The following RPH3AL variants were observed in gnomAD, a reference collection of about 807,000 sequenced individuals.
RPH3AL encodes the protein rabphilin 3A like (without C2 domains).
In RPH3AL, 38 loss-of-function variants were observed where a neutral mutation model predicts 43.1. The ratio of observed to expected loss-of-function variants is 0.88; its 90% CI spans 0.68 to 1.15. The LOEUF is 1.15. Among genes scored for constraint, RPH3AL ranks in the 50% most tolerant of loss-of-function variants. The probability of loss-of-function intolerance (pLI) is 0.00; values close to 1 mark genes in which losing one functional copy is unlikely to be tolerated. For synonymous variants in RPH3AL, 189 were observed against 176.3 expected, an observed-to-expected ratio of 1.07 and a Z score of -0.57; for missense variants, 462 against 423.2, an observed-to-expected ratio of 1.09 and a Z score of -0.81.
rs1314232326 is a variant in RPH3AL at position 264,938 on chromosome 17, A to T, written c.438+16830T>A. Among the ~76,000 whole-genome samples, 7 of 152,256 alleles carry T rather than the reference A, an allele frequency of 4.6e-5. No homozygotes were observed. Among genetic ancestry groups the T allele is most frequent in the African/African-American group, 1.7e-4 (7 of 41,470 alleles). ...ATAACTGCAAAACATGAAAATGTATAAGAAATTATGCTTTGAAAGTAGATA... is the reference window on the plus strand; with the variant it reads ...ATAACTGCAAAACATGAAAATGTATTAGAAATTATGCTTTGAAAGTAGATA... On this transcript the variant is annotated intron_variant, in intron 6 of 9. Transcript: ENST00000331302. The surrounding 1 kb of genome is among the most constrained non-coding windows in gnomAD (Gnocchi z 4.8).
chr17:335,050 C>T (rs188833440), intron 1 of RPH3AL, among the ~76,000 whole-genome samples: 3 of 152,312 alleles, frequency 2.0e-5, no homozygotes, highest in South Asian at 2.1e-4. Flanking sequence ...CACGAACGAG[C>T]GCGCTTTCAT....
At position 283,969 on chromosome 17, in the gene RPH3AL, C is replaced by G. The variant is rs1422311261; in HGVS notation, c.352-2115G>C. Among the ~76,000 whole-genome samples the G allele has an allele frequency of 6.6e-6, 1 of 152,240 alleles. No individual in the cohort carries two copies. The highest frequency in any genetic ancestry group is 1.5e-5 in the Non-Finnish European group (1 of 68,028). ...AAGGGGAGAGGAAGCACTGATGCTA[C>G]TTAGCTCTGTTTTCCTTGCGAATTC... On this transcript the variant is annotated intron_variant, in intron 5 of 9. Coordinates refer to ENST00000331302, the MANE Select transcript of RPH3AL (RefSeq NM_006987.4). The surrounding 1 kb of genome is among the most constrained non-coding windows in gnomAD (Gnocchi z 4.2).
At chr17:326,565 A>G (rs1355835648) in intron 3 of RPH3AL, among the ~76,000 whole-genome samples, 1 of 152,098 alleles carries the variant, frequency 6.6e-6, no homozygotes, top group African/African-American at 2.4e-5. Flanking sequence ...CAGAGCTGAG[A>G]GGTCACTAGG....
rs72806070 is a variant in RPH3AL at position 322,800 on chromosome 17, G to A, written c.78-1385C>T. Among the ~76,000 whole-genome samples the A allele has an allele frequency of 0.021, 3,193 of 152,204 alleles. 53 individuals are homozygous for A. The highest frequency in any genetic ancestry group is 0.077 in the South Asian group (371 of 4,790). On this transcript the variant is annotated intron_variant, in intron 3 of 9. Transcript: ENST00000331302. The surrounding 1 kb of genome is among the most constrained non-coding windows in gnomAD (Gnocchi z 4.0). ...CGGTTCTCTGTGGCCGACACAATAG[G>A]AGTTTGGAAAGCTAATACGCATATC... is the stretch of plus-strand genomic sequence containing the variant.
At position 245,285 on chromosome 17, in the gene RPH3AL, G is replaced by C. The variant is rs1208797811; in HGVS notation, c.613+1826C>G. 2.0e-5 allele frequency among the ~76,000 whole-genome samples: 3 copies of C among 150,596 alleles called. No individual in the cohort carries two copies. Among genetic ancestry groups the C allele is most frequent in the African/African-American group, 4.9e-5 (2 of 40,900 alleles). ...CACGTGGATGTCAGTGTGTGTGTAC[G>C]TGGGTGTGTGTGTGGATGTGTGTGT... is the stretch of plus-strand genomic sequence containing the variant. On this transcript the variant is annotated intron_variant, in intron 7 of 9. Transcript: ENST00000331302. This position sits in a 1 kb window ranked among gnomAD's most constrained non-coding sequence, Gnocchi z 5.9.
chr17:270,074 G>A (rs1051130295), intron 6 of RPH3AL, among the ~76,000 whole-genome samples: 4 of 152,076 alleles, frequency 2.6e-5, no homozygotes, highest in African/African-American at 4.8e-5. Flanking sequence ...CGTGGGAGGC[G>A]ACCAACACAC....
intron 5 of RPH3AL, among the ~76,000 whole-genome samples, chr17:315,177 TC>T (rs1447880214): frequency 9.7e-5 from 10 of 102,606 alleles, no homozygotes; most frequent in Non-Finnish European, 1.5e-4. Context: ...CCACCTCCAT[TC>T]ACCTGTAGTC....
At chr17:308,860 T>C (rs1442424838) in intron 5 of RPH3AL, among the ~76,000 whole-genome samples, 3 of 152,296 alleles carry the variant, frequency 2.0e-5, no homozygotes, top group East Asian at 3.9e-4. Context: ...CTCTGTAAAC[T>C]GGATGGGGCC....
chr17:218,884 C>T (rs1383483816), intron 8 of RPH3AL, among the ~76,000 whole-genome samples: 1 of 152,168 alleles, frequency 6.6e-6, no homozygotes, highest in Admixed American at 6.5e-5. Context: ...TGACCTAGTG[C>T]AGGGAGGTCT....
At chr17:270,122 G>A (rs754659930) in intron 6 of RPH3AL, among the ~76,000 whole-genome samples, 25 of 152,102 alleles carry the variant, frequency 1.6e-4, no homozygotes, top group Non-Finnish European at 2.2e-4. Context: ...CAGGGATGCC[G>A]TGACAGCAGC....
At position 283,006 on chromosome 17, in the gene RPH3AL, G is replaced by A. The variant is rs2042817898; in HGVS notation, c.352-1152C>T. On this transcript the variant is annotated intron_variant, in intron 5 of 9. Transcript: ENST00000331302. The surrounding 1 kb of genome is among the most constrained non-coding windows in gnomAD (Gnocchi z 4.2). ...CAAGGCCAGAAGAAGCAAGCTGGGA[G>A]GCAGAGGTGGATGTGTTGGGGCTGA... is the stretch of plus-strand genomic sequence containing the variant. Among the ~76,000 whole-genome samples, 1 of 152,244 alleles carries A rather than the reference G, an allele frequency of 6.6e-6. No homozygotes were observed. The highest frequency in any genetic ancestry group is 2.1e-4 in the South Asian group (1 of 4,838).
intron 3 of RPH3AL, among the ~76,000 whole-genome samples, chr17:326,210 G>A (rs1261205019): frequency 3.9e-5 from 6 of 152,258 alleles, no homozygotes; most frequent in Admixed American, 3.9e-4. Flanking sequence ...CCCTCCTGGC[G>A]AAGGGGACCA....
intron 6 of RPH3AL, among the ~76,000 whole-genome samples, chr17:272,016 C>T (rs2042475836): frequency 6.6e-6 from 1 of 152,220 alleles, no homozygotes; most frequent in African/African-American, 2.4e-5. Flanking sequence ...TGCTCACCAT[C>T]ACTGGCCATC....
rs753717236 is a variant in RPH3AL, at chr17:245,362, AGTGT to A, written c.613+1745_613+1748del. 1.7e-5 allele frequency among the ~76,000 whole-genome samples: 2 copies of A among 118,714 alleles called. No individual in the cohort carries two copies. Among genetic ancestry groups the A allele is most frequent in the African/African-American group, 6.5e-5 (2 of 30,786 alleles). The allele number at this position is 118,714 out of a possible 152,430, so 77.9% of individuals were successfully genotyped here. A position where few individuals can be genotyped will look rare whatever the true frequency, so the allele number is the denominator to read the frequency against. The stretch of plus-strand genomic sequence containing the variant: ...GGATGTGAGTGTGTATGTGGATGTC[AGTGT>A]GTGTGTGTGGATGTCAGTGTGTGTG... On this transcript the variant is annotated intron_variant, in intron 7 of 9. Coordinates refer to ENST00000331302, the MANE Select transcript of RPH3AL (RefSeq NM_006987.4). The surrounding 1 kb of genome is among the most constrained non-coding windows in gnomAD (Gnocchi z 5.9).
chr17:319,181 T>G (rs967974588), intron 5 of RPH3AL, among the ~76,000 whole-genome samples: 1 of 152,212 alleles, frequency 6.6e-6, no homozygotes, highest in African/African-American at 2.4e-5. Context: ...CTGGGTCTCG[T>G]GGCTCGGGTG....
Position 290,067 on chromosome 17 carries a change from A to G in RPH3AL, c.352-8213T>C, listed in dbSNP as rs2043012694. Among the ~76,000 whole-genome samples, 1 of 152,204 alleles carries G rather than the reference A, an allele frequency of 6.6e-6. No homozygotes were observed. Among genetic ancestry groups the G allele is most frequent in the Non-Finnish European group, 1.5e-5 (1 of 68,036 alleles). On this transcript the variant is annotated intron_variant, in intron 5 of 9. Coordinates refer to ENST00000331302, the MANE Select transcript of RPH3AL (RefSeq NM_006987.4). The surrounding 1 kb of genome is among the most constrained non-coding windows in gnomAD (Gnocchi z 4.2). ...ACAGTGACTATTTGCAGAAGAACGG[A>G]TTGAACAAATGGAAGCTACTTAAGA...
At chr17:292,485 T>C (rs2043069567) in intron 5 of RPH3AL, among the ~76,000 whole-genome samples, 1 of 152,224 alleles carries the variant, frequency 6.6e-6, no homozygotes, top group South Asian at 2.1e-4. Flanking sequence ...AACAGCCCTA[T>C]GGGGTGGGTA....
intron 7 of RPH3AL, among the ~76,000 whole-genome samples, chr17:228,124 G>A (rs746235379): frequency 2.0e-5 from 3 of 152,188 alleles, no homozygotes; most frequent in Non-Finnish European, 2.9e-5. Flanking sequence ...AGCCTGGGGT[G>A]GGGGAGTCAC....
intron 5 of RPH3AL, among the ~76,000 whole-genome samples, chr17:286,967 C>CCTCTCTCCACCGTCAGACCTCGCACCCT (rs2042933471): frequency 8.6e-5 from 2 of 23,382 alleles, no homozygotes; most frequent in African/African-American, 2.3e-4. Context: ...GACCTCGCAC[C>CCTCTCTCCACCGTCAGACCTCGCACCCT]CTCTCTCCAC....
Sources: gnomAD v4.1 joint callset for allele counts (sites outside exome capture counted in the v4.1 genomes callset) on GRCh38, gnomAD v4.1.1 for gene constraint, Gnocchi (gnomAD v3.1) non-coding constraint, MANE v1.5 for transcripts, NCBI Gene and HGNC (gene_info 2026-07-23, HGNC 2026-07-21) for gene names.